The following TINAG variants were observed in gnomAD, a reference collection of about 807,000 sequenced individuals.
TINAG encodes the protein tubulointerstitial nephritis antigen.
A neutral mutation model predicts 72.7 loss-of-function variants in TINAG; 83 were observed. The ratio of observed to expected loss-of-function variants is 1.14; its 90% CI spans 0.96 to 1.37. TINAG has a LOEUF of 1.37. TINAG is among the 40% of genes most tolerant of loss of function. The probability of loss-of-function intolerance (pLI) is 0.00; values close to 1 mark genes in which losing one functional copy is unlikely to be tolerated. For missense variants in TINAG, 685 were observed against 576.6 expected (o/e 1.19, Z -1.93); for synonymous variants, 234 against 189.9 (o/e 1.23, Z -1.91).
At chr6:54,343,672 T>G (rs1785055377) in intron 5 of TINAG, among the ~76,000 whole-genome samples, 1 of 151,936 alleles carries the variant, frequency 6.6e-6, no homozygotes, top group South Asian at 2.1e-4. Context: ...TTTTCATTCA[T>G]ATATTATTTA....
At chr6:54,374,519 G>A (rs941289967) in intron 9 of TINAG, among the ~76,000 whole-genome samples, 1 of 152,014 alleles carries the variant, frequency 6.6e-6, no homozygotes, top group Non-Finnish European at 1.5e-5. Flanking sequence ...TCATTTACTA[G>A]GCATGAGCTT....
Position 54,390,065 on chromosome 6 carries a change from T to C in TINAG, c.*140T>C. ...ATCTATCTATTTTCTTATTTTCCCC[T>C]CTGGTCTATGCTTCTGCTTCCTTCA... On this transcript the variant is annotated 3_prime_UTR_variant, in exon 11 of 11. Transcript: ENST00000259782. 8.4e-7 allele frequency: 1 copy of C among 1,184,586 alleles called. No homozygotes were observed. The highest frequency in any genetic ancestry group is 1.2e-6 in the Non-Finnish European group (1 of 854,846). The allele number at this position is 1,184,586 out of a possible 1,614,324, so 73.4% of individuals were successfully genotyped here. A position where few individuals can be genotyped will look rare whatever the true frequency, so the allele number is the denominator to read the frequency against.
chr6:54,384,635 G>C (rs562714910), intron 10 of TINAG, among the ~76,000 whole-genome samples: 1 of 152,098 alleles, frequency 6.6e-6, no homozygotes, highest in South Asian at 2.1e-4. Flanking sequence ...TTTTATACAT[G>C]GTGACATTTT....
intron 9 of TINAG, among the ~76,000 whole-genome samples, chr6:54,365,073 C>A (rs1479325740): frequency 2.0e-5 from 3 of 151,366 alleles, no homozygotes; most frequent in Non-Finnish European, 4.4e-5. Flanking sequence ...TATGTTTAAC[C>A]TCTGGCAAAT....
intron 1 of TINAG, among the ~76,000 whole-genome samples, chr6:54,310,949 CTCTT>C (rs937942090): frequency 5.8e-4 from 85 of 145,648 alleles, no homozygotes; most frequent in African/African-American, 2.1e-3. Flanking sequence ...TTTTTTCTCT[CTCTT>C]TCTCTTCTTT....
intron 8 of TINAG, among the ~76,000 whole-genome samples, chr6:54,353,490 G>A (rs1214839888): frequency 6.6e-6 from 1 of 151,784 alleles, no homozygotes; most frequent in East Asian, 1.9e-4. Flanking sequence ...ATAAGTATAG[G>A]TGATGGATAG....
At chr6:54,362,912 A>C (rs1763285154) in intron 9 of TINAG, among the ~76,000 whole-genome samples, 1 of 151,584 alleles carries the variant, frequency 6.6e-6, no homozygotes, top group Non-Finnish European at 1.5e-5. Flanking sequence ...AAACAACTAG[A>C]ATTAGAAGTA....
At chr6:54,347,590 C>T in intron 6 of TINAG, 73 bp downstream of exon 6, 1 of 1,501,934 alleles carries the variant, frequency 6.7e-7, no homozygotes, top group African/African-American at 1.4e-5. Context: ...GGAAAATAAT[C>T]CCAAGATTTT....
At chr6:54,366,181 C>A (rs1763410669) in intron 9 of TINAG, among the ~76,000 whole-genome samples, 1 of 151,404 alleles carries the variant, frequency 6.6e-6, no homozygotes, top group Non-Finnish European at 1.5e-5. Flanking sequence ...AGTGTTAAGA[C>A]AACTCTTCAG....
intron 9 of TINAG, among the ~76,000 whole-genome samples, chr6:54,361,630 C>A (rs1477703816): frequency 6.6e-6 from 1 of 151,600 alleles, no homozygotes; most frequent in Non-Finnish European, 1.5e-5. Context: ...AGAGCCAAAC[C>A]ATATCAGAGT....
intron 4 of TINAG, among the ~76,000 whole-genome samples, chr6:54,328,141 G>A (rs1253628398): frequency 6.6e-6 from 1 of 152,122 alleles, no homozygotes; most frequent in Non-Finnish European, 1.5e-5. Flanking sequence ...GCCTCCTCAA[G>A]TGGGTTCCTG....
chr6:54,338,318 A>T (rs1460535743), intron 4 of TINAG, among the ~76,000 whole-genome samples: 1 of 152,196 alleles, frequency 6.6e-6, no homozygotes, highest in Non-Finnish European at 1.5e-5. Flanking sequence ...GAAGTATTTT[A>T]GGCTGTTAAA....
At chr6:54,387,632 C>T (rs1014958101) in intron 10 of TINAG, among the ~76,000 whole-genome samples, 1 of 152,054 alleles carries the variant, frequency 6.6e-6, no homozygotes, top group Admixed American at 6.6e-5. Context: ...ATTACATGAA[C>T]ATAAACTTCA....
At chr6:54,383,867 G>T (rs1361978655) in intron 10 of TINAG, among the ~76,000 whole-genome samples, 4 of 152,022 alleles carry the variant, frequency 2.6e-5, no homozygotes, top group Non-Finnish European at 4.4e-5. Flanking sequence ...ATACCCAAAA[G>T]ATTATAAATC....
intron 9 of TINAG, among the ~76,000 whole-genome samples, chr6:54,375,045 T>A (rs1763739882): frequency 6.6e-6 from 1 of 152,230 alleles, no homozygotes; most frequent in South Asian, 2.1e-4. Flanking sequence ...TATTGGAACA[T>A]TTTTGTCTGG....
chr6:54,387,285 T>C (rs1343600592), intron 10 of TINAG, among the ~76,000 whole-genome samples: 2 of 152,150 alleles, frequency 1.3e-5, no homozygotes, highest in Admixed American at 1.3e-4. Flanking sequence ...TTGGAGTAAA[T>C]AGAATCTTAT....
In TINAG at chr6:54,320,651, T is replaced by A; in HGVS notation, c.419+9T>A. 4 of 1,605,270 alleles carry A rather than the reference T, an allele frequency of 2.5e-6. No individual in the cohort carries two copies. The highest frequency in any genetic ancestry group is 2.2e-5 in the East Asian group (1 of 44,702). On this transcript the variant is annotated intron_variant, in intron 2 of 10. Transcript: ENST00000259782. ...GAAAACTGCAACTCCTGGTAATAAA[T>A]TTAAGTGGCACAGAACTGAGTTCTA... is the stretch of plus-strand genomic sequence containing the variant.
intron 9 of TINAG, among the ~76,000 whole-genome samples, chr6:54,372,516 T>C (rs1288842653): frequency 1.3e-5 from 2 of 151,858 alleles, no homozygotes; most frequent in Non-Finnish European, 2.9e-5. Flanking sequence ...TTTCCAGAGA[T>C]TTGGGGGTGA....
In TINAG at chr6:54,385,704, G is replaced by A. The variant is rs561867648; in HGVS notation, c.1297-4087G>A. Among the ~76,000 whole-genome samples, 8 of 151,718 alleles carry A rather than the reference G, an allele frequency of 5.3e-5. No homozygotes were observed. In the East Asian group the frequency reaches 1.4e-3, roughly 26 times the overall value. Reference sequence around the variant, plus strand: ...ACAATACAAAAAAGAAAAAATATAGGCCGATATCTCTCATGAGCATAAAAT... The same window carrying A: ...ACAATACAAAAAAGAAAAAATATAGACCGATATCTCTCATGAGCATAAAAT... On this transcript the variant is annotated intron_variant, in intron 10 of 10. Transcript: ENST00000259782.
Sources: allele counts gnomAD v4.1 joint callset (sites outside exome capture counted in the v4.1 genomes callset), GRCh38; gene constraint gnomAD v4.1.1; transcripts MANE v1.5; gene names NCBI Gene and HGNC (gene_info 2026-07-23, HGNC 2026-07-21).